Variants in GALNT17 observed in about 807,000 individuals in gnomAD.
GALNT17 encodes polypeptide N-acetylgalactosaminyltransferase 17.
In GALNT17, 29 loss-of-function variants were observed where a neutral mutation model predicts 63.7. The ratio of observed to expected loss-of-function variants is 0.46; its 90% CI spans 0.34 to 0.62. The LOEUF is 0.62. Among genes scored for constraint, GALNT17 ranks in the 20% least tolerant of loss-of-function variants. The pLI, the probability that GALNT17 is intolerant of heterozygous loss-of-function variation, is 0.01. For synonymous variants in GALNT17, 305 were observed against 318.3 expected (o/e 0.96, Z 0.45); for missense variants, 603 against 799.6 (o/e 0.75, Z 2.97).
At chr7:71,261,609 G>A (rs1050757624) in intron 1 of GALNT17, among the ~76,000 whole-genome samples, 6 of 152,152 alleles carry the variant, frequency 3.9e-5, no homozygotes, top group Non-Finnish European at 8.8e-5. Flanking sequence ...TCCTTCCTCC[G>A]TGAAATGGAG....
At chr7:71,699,926 C>T (rs891498806) in intron 9 of GALNT17, among the ~76,000 whole-genome samples, 6 of 151,662 alleles carry the variant, frequency 4.0e-5, no homozygotes, top group Admixed American at 1.3e-4. Context: ...GAGTGAGACC[C>T]CTGTCTCAGA....
At chr7:71,587,173 G>A (rs540234354) in intron 6 of GALNT17, among the ~76,000 whole-genome samples, 4 of 152,144 alleles carry the variant, frequency 2.6e-5, no homozygotes, top group South Asian at 2.1e-4. Context: ...GACTATAGGC[G>A]CACACCACCA....
At position 71,712,292 on chromosome 7, in the gene GALNT17, A is replaced by T; in HGVS notation, c.*146A>T. On this transcript the variant is annotated 3_prime_UTR_variant, in exon 11 of 11. Coordinates refer to ENST00000333538, the MANE Select transcript of GALNT17 (RefSeq NM_022479.3). ...AGGGCTTCTCCAGGGCAGCACAGGG[A>T]CCCCGGATGAAGACTCTGTCCCCCC... 9.2e-7 allele frequency: 1 copy of T among 1,081,910 alleles called. No individual in the cohort carries two copies. The highest frequency in any genetic ancestry group is 1.3e-6 in the Non-Finnish European group (1 of 787,902). The allele number at this position is 1,081,910 out of a possible 1,614,324, so 67.0% of individuals were successfully genotyped here. A position where few individuals can be genotyped will look rare whatever the true frequency, so the allele number is the denominator to read the frequency against.
intron 9 of GALNT17, among the ~76,000 whole-genome samples, chr7:71,695,616 T>C (rs1348145417): frequency 1.3e-5 from 2 of 152,246 alleles, no homozygotes; most frequent in Non-Finnish European, 2.9e-5. Flanking sequence ...GAAGGGGCTC[T>C]TGAAATCAAG....
At chr7:71,337,574 A>C (rs1399402817) in intron 2 of GALNT17, among the ~76,000 whole-genome samples, 1 of 152,160 alleles carries the variant, frequency 6.6e-6, no homozygotes, top group Non-Finnish European at 1.5e-5. Flanking sequence ...TTGCCTTTTA[A>C]AAAGCGTGAG....
At chr7:71,365,388 G>A (rs578120208) in intron 2 of GALNT17, among the ~76,000 whole-genome samples, 5 of 152,228 alleles carry the variant, frequency 3.3e-5, no homozygotes, top group South Asian at 2.1e-4. Flanking sequence ...ACAGGCGTGC[G>A]CCACCACTCC....
At chr7:71,173,899 A>AC (rs1788589197) in intron 1 of GALNT17, among the ~76,000 whole-genome samples, 1 of 152,230 alleles carries the variant, frequency 6.6e-6, no homozygotes, top group African/African-American at 2.4e-5. Flanking sequence ...GTAAGCATTC[A>AC]ATAAATGCAG....
intron 3 of GALNT17, among the ~76,000 whole-genome samples, chr7:71,403,259 A>T (rs965442301): frequency 6.6e-6 from 1 of 152,244 alleles, no homozygotes; most frequent in Non-Finnish European, 1.5e-5. Flanking sequence ...AGGAAATTCC[A>T]TGTAGCCTTC....
chr7:71,240,213 A>G (rs535285624), intron 1 of GALNT17, among the ~76,000 whole-genome samples: 2 of 152,312 alleles, frequency 1.3e-5, no homozygotes, highest in African/African-American at 4.8e-5. Context: ...AGACCGGAGA[A>G]TTGTCAATTG....
intron 1 of GALNT17, among the ~76,000 whole-genome samples, chr7:71,276,655 C>T (rs1302976649): frequency 1.3e-5 from 2 of 152,162 alleles, no homozygotes; most frequent in African/African-American, 4.8e-5. Context: ...ATTGTGAGGC[C>T]TCCCCAGCCA....
chr7:71,274,179 C>A (rs988357153), intron 1 of GALNT17, among the ~76,000 whole-genome samples: 1 of 152,216 alleles, frequency 6.6e-6, no homozygotes, highest in African/African-American at 2.4e-5. Flanking sequence ...CAGCATTTGG[C>A]AGCTAGTTTG....
At position 71,575,736 on chromosome 7, in the gene GALNT17, A is replaced by G. The variant is rs114771325; in HGVS notation, c.1080+4334A>G. 3.1e-3 allele frequency among the ~76,000 whole-genome samples: 473 copies of G among 152,142 alleles called. 3 individuals are homozygous for G. The highest frequency in any genetic ancestry group is 0.011 in the African/African-American group (456 of 41,502). ...GGCTCAATCTGTGATCTTTCTAACT[A>G]GTCTTTGAAATTTTGTGTTACTTTT... On this transcript the variant is annotated intron_variant, in intron 6 of 10. Coordinates refer to ENST00000333538, the MANE Select transcript of GALNT17 (RefSeq NM_022479.3).
chr7:71,206,011 A>G (rs1375148557), intron 1 of GALNT17, among the ~76,000 whole-genome samples: 1 of 151,044 alleles, frequency 6.6e-6, no homozygotes, highest in Non-Finnish European at 1.5e-5. Context: ...TATTTATACA[A>G]ATTACCAAAT....
At chr7:71,188,834 G>C (rs1026810352) in intron 1 of GALNT17, among the ~76,000 whole-genome samples, 2 of 152,134 alleles carry the variant, frequency 1.3e-5, no homozygotes, top group African/African-American at 2.4e-5. Flanking sequence ...GTGTCACTGG[G>C]CCACTGGACA....
chr7:71,682,760 C>G (rs966027122), intron 9 of GALNT17, among the ~76,000 whole-genome samples: 1 of 152,072 alleles, frequency 6.6e-6, no homozygotes, highest in Admixed American at 6.6e-5. Context: ...CTATGCTTCC[C>G]AGGCTGGTGT....
At chr7:71,195,274 G>C (rs560683865) in intron 1 of GALNT17, among the ~76,000 whole-genome samples, 1 of 152,064 alleles carries the variant, frequency 6.6e-6, no homozygotes, top group Non-Finnish European at 1.5e-5. Flanking sequence ...GGAGTGCATT[G>C]GCATGATCAT....
chr7:71,437,124 G>A (rs1286668915), intron 5 of GALNT17, among the ~76,000 whole-genome samples: 4 of 152,158 alleles, frequency 2.6e-5, no homozygotes, highest in African/African-American at 9.7e-5. Flanking sequence ...CCTGAGTAGA[G>A]AGCAATCATG....
chr7:71,623,404 C>G (rs936632409), intron 6 of GALNT17, among the ~76,000 whole-genome samples: 2 of 137,168 alleles, frequency 1.5e-5, no homozygotes, highest in Non-Finnish European at 3.2e-5. Flanking sequence ...AGTTTTTTTT[C>G]ATTTCTATTT....
chr7:71,707,505 GCA>G (rs1791737727), intron 9 of GALNT17, among the ~76,000 whole-genome samples: 13 of 152,314 alleles, frequency 8.5e-5, no homozygotes, highest in Admixed American at 8.5e-4. Flanking sequence ...AGGAATTGCT[GCA>G]TAACAACTAC....
Sources: gnomAD v4.1 joint callset for allele counts (sites outside exome capture counted in the v4.1 genomes callset) on GRCh38, gnomAD v4.1.1 for gene constraint, MANE v1.5 for transcripts, NCBI Gene and HGNC (gene_info 2026-07-23, HGNC 2026-07-21) for gene names.